The following RANGAP1 variants were observed in gnomAD, a reference collection of about 807,000 sequenced individuals.
The protein encoded by RANGAP1 is Ran GTPase activating protein 1.
RANGAP1 carries 38 observed loss-of-function variants against 63.5 expected under a neutral mutation model. That is an observed-to-expected ratio of 0.60 (90% CI 0.46 to 0.78). RANGAP1 has a LOEUF of 0.78. RANGAP1 is among the 30% of genes least tolerant of loss of function. The pLI is 0.00. For synonymous variants in RANGAP1, 329 were observed against 310.5 expected, an observed-to-expected ratio of 1.06 and a Z score of -0.63; for missense variants, 630 against 740.3, an observed-to-expected ratio of 0.85 and a Z score of 1.73.
intron 1 of RANGAP1, among the ~76,000 whole-genome samples, chr22:41,284,700 T>C (rs887177571): frequency 6.6e-6 from 1 of 152,168 alleles, no homozygotes; most frequent in Admixed American, 6.5e-5. Context: ...GCCGAAACCC[T>C]GTCTCCACTA....
the RANGAP1 span, among the ~76,000 whole-genome samples, chr22:41,301,121 C>A: frequency 6.6e-6 from 1 of 152,084 alleles, no homozygotes; most frequent in African/African-American, 2.4e-5. Flanking sequence ...AAAACTCCAG[C>A]CAAGTGAGGT....
At position 41,252,923 on chromosome 22, in the gene RANGAP1, TG is replaced by T; in HGVS notation, c.1328del (p.Pro443GlnfsTer7). 6.4e-7 allele frequency: 1 copy of T among 1,565,806 alleles called. No homozygotes were observed. The highest frequency in any genetic ancestry group is 8.6e-7 in the Non-Finnish European group (1 of 1,159,070). ...DVSTFLAFPS[P>X]EKLLRLGPKS... Reference sequence around the variant, plus strand: ...TGGGCCCTAGGCGCAGCAGCTTCTCTGGAGAGGGAAAAGCCAGGAAGGTGGA... The same window carrying T: ...TGGGCCCTAGGCGCAGCAGCTTCTCTGAGAGGGAAAAGCCAGGAAGGTGGA... On this transcript the variant is annotated frameshift_variant, in exon 12 of 16. Transcript: ENST00000356244. LOFTEE classifies it high-confidence loss of function.
At chr22:41,252,761 C>G (rs1466019271) in intron 12 of RANGAP1, 111 bp downstream of exon 12, 1 of 1,268,748 alleles carries the variant, frequency 7.9e-7, no homozygotes, top group Non-Finnish European at 1.0e-6. Flanking sequence ...AGCCTCCCTG[C>G]CCCCAGCTGA....
chr22:41,274,626 C>T lies in RANGAP1; in HGVS notation c.214G>A (p.Ala72Thr), dbSNP rs748468217. ...TTCAACTCCGACTTCTTCTCTAAGG[C>T]CTTGGCGATGACCCTGGCTGCTTCC... Reference protein sequence around the residue: ...GVEAARVIAKALEKKSELKRC... With the variant: ...GVEAARVIAKTLEKKSELKRC... Residue 72 changes from alanine (A) to threonine (T), a missense_variant, in exon 3 of 16, where the codon GCC becomes ACC. By Grantham distance (58) the Ala-to-Thr change is moderately conservative. Around this residue, in one of 3 missense-constraint regions of RANGAP1, gnomAD observed 137 missense variants for 214.3 expected, o/e 0.64. Transcript: ENST00000356244. 19 of 1,614,056 alleles carry T rather than the reference C, an allele frequency of 1.2e-5. No homozygotes were observed. Among genetic ancestry groups the T allele is most frequent in the Non-Finnish European group, 1.6e-5 (19 of 1,180,012 alleles).
At chr22:41,273,973 G>A (rs1414763773) in intron 3 of RANGAP1, among the ~76,000 whole-genome samples, 3 of 152,044 alleles carry the variant, frequency 2.0e-5, no homozygotes, top group Non-Finnish European at 4.4e-5. Flanking sequence ...AGCTACTCAG[G>A]AGGCTGAGGC....
Position 41,249,474 on chromosome 22 carries a change from C to A in RANGAP1, c.1573-23G>T, listed in dbSNP as rs543664547. ...ACTCTGAGAGGAACACAGCGAAAAG[C>A]GGGGTGAGCTTCAAAGTCACCTGGG... On this transcript the variant is annotated intron_variant, in intron 14 of 15. Coordinates refer to ENST00000356244, the MANE Select transcript of RANGAP1 (RefSeq NM_002883.4). 9 of 1,597,570 alleles carry A rather than the reference C, an allele frequency of 5.6e-6. No homozygotes were observed. The African/African-American group carries it at 1.3e-4, about 24-fold the overall frequency.
chr22:41,278,079 G>A (rs927471006), intron 2 of RANGAP1, among the ~76,000 whole-genome samples: 4 of 142,462 alleles, frequency 2.8e-5, no homozygotes, highest in East Asian at 2.0e-4. Flanking sequence ...TTCTGTCACC[G>A]AGGCTGGAGT....
intron 4 of RANGAP1, among the ~76,000 whole-genome samples, chr22:41,266,385 C>T (rs2034478112): frequency 1.3e-5 from 2 of 152,166 alleles, no homozygotes; most frequent in South Asian, 4.1e-4. Context: ...CCCATTCCTA[C>T]AGAGTCAAGT....
Position 41,254,385 on chromosome 22 carries a change from C to T in RANGAP1, c.1183G>A (p.Glu395Lys), listed in dbSNP as rs948401511. The change falls in exon 11 of 16, where the codon GAA becomes AAA. Residue 395 changes from glutamate to lysine, a missense_variant. This residue lies in a region of RANGAP1 where 428 missense variants were observed against 465.5 expected (regional missense o/e 0.92). Transcript: ENST00000356244. ...EEEEEEEEEEEEEPQQRGQGE... is the reference protein window; with the variant it reads ...EEEEEEEEEEKEEPQQRGQGE... ...TGCCCTCGCTGCTGAGGCTCTTCTT[C>T]CTCCTCCTCCTCCTCTTCTTCCTCC... 1.2e-6 allele frequency: 2 copies of T among 1,610,224 alleles called. No individual in the cohort carries two copies. The highest frequency in any genetic ancestry group is 1.7e-6 in the Non-Finnish European group (2 of 1,177,644).
intron 11 of RANGAP1, among the ~76,000 whole-genome samples, chr22:41,253,498 G>A (rs2145698460): frequency 6.6e-6 from 1 of 152,342 alleles, no homozygotes; most frequent in East Asian, 1.9e-4. Flanking sequence ...TTCTCCAGGA[G>A]CTTTACTTAG....
intron 7 of RANGAP1, 60 bp from the exon 8 acceptor site, chr22:41,256,884 A>G: frequency 1.4e-6 from 2 of 1,415,606 alleles, no homozygotes; most frequent in South Asian, 1.2e-5. Context: ...GCCCTCAGCA[A>G]GCCCCGGGGG....
At chr22:41,271,193 C>G (rs541562133) in intron 3 of RANGAP1, among the ~76,000 whole-genome samples, 1 of 150,300 alleles carries the variant, frequency 6.7e-6, no homozygotes, top group South Asian at 2.1e-4. Flanking sequence ...AGATCAAGAT[C>G]AGACTGGGCA....
chr22:41,285,757 C>A lies in RANGAP1; in HGVS notation c.-39+229G>T, dbSNP rs1202679116. 6.5e-6 allele frequency: 6 copies of A among 929,264 alleles called. No individual in the cohort carries two copies. In the African/African-American group the frequency reaches 1.1e-4, roughly 17 times the overall value. 57.6% of individuals were successfully genotyped at this position (929,264 alleles called of 1,614,324 possible). On this transcript the variant is annotated intron_variant, in intron 1 of 15. Transcript: ENST00000356244. ...CTGCTAGCAGCTGCAGGCTGAGCTGCTCTGGCGAGTCAGACGCCCTTTAAG... is the reference window on the plus strand; with the variant it reads ...CTGCTAGCAGCTGCAGGCTGAGCTGATCTGGCGAGTCAGACGCCCTTTAAG...
At chr22:41,253,876 G>C (rs2033641058) in intron 11 of RANGAP1, among the ~76,000 whole-genome samples, 1 of 152,110 alleles carries the variant, frequency 6.6e-6, no homozygotes, top group Admixed American at 6.6e-5. Context: ...GGGAGGTCGA[G>C]GAGGGTGGAT....
At chr22:41,277,204 A>G (rs943661823) in intron 2 of RANGAP1, among the ~76,000 whole-genome samples, 7 of 148,418 alleles carry the variant, frequency 4.7e-5, no homozygotes, top group African/African-American at 1.7e-4. Context: ...CAGCCTCCCA[A>G]GTAGCTGGGA....
intron 5 of RANGAP1, 120 bp downstream of exon 5, chr22:41,264,544 T>G: frequency 7.7e-7 from 1 of 1,293,374 alleles, no homozygotes; most frequent in Non-Finnish European, 1.0e-6. Context: ...TTTGAGGCCT[T>G]TCTCTTTTGA....
rs1228322829 is a variant in RANGAP1, at chr22:41,256,752, C to T, written c.847G>A (p.Ala283Thr). Residue 283 changes from alanine to threonine, a missense_variant, in exon 8 of 16, where the codon GCC becomes ACC. Transcript: ENST00000356244. ...CCGCCGCGGATGGCATCTGCAATGG[C>T]AACTGCACCCTTGGAGCGCACCAGG... ...DCLVRSKGAV[A>T]IADAIRGGLP... 13 of 1,614,136 alleles carry T rather than the reference C, an allele frequency of 8.1e-6. No individual in the cohort carries two copies. The highest frequency in any genetic ancestry group is 1.3e-5 in the African/African-American group (1 of 75,058).
At chr22:41,294,887 G>A in the RANGAP1 span, among the ~76,000 whole-genome samples, 1 of 79,364 alleles carries the variant, frequency 1.3e-5, no homozygotes, top group African/African-American at 5.5e-5. Flanking sequence ...AGGTGGGGGG[G>A]TGAGCCCCCC....
chr22:41,258,179 C>A, intron 6 of RANGAP1, 73 bp from the exon 7 acceptor site: 1 of 1,502,296 alleles, frequency 6.7e-7, no homozygotes. Context: ...AGAGCAATTC[C>A]ACACAGCAGG....
Sources: gnomAD v4.1 joint callset for allele counts (sites outside exome capture counted in the v4.1 genomes callset) on GRCh38, gnomAD v4.1.1 for gene constraint, gnomAD v4.1.1 regional missense constraint, MANE v1.5 for transcripts, NCBI Gene and HGNC (gene_info 2026-07-23, HGNC 2026-07-21) for gene names.